Variants in PSME3IP1 observed in about 807,000 individuals in gnomAD.
PSME3IP1 encodes the protein proteasome activator subunit 3 interacting protein 1.
PSME3IP1 carries 13 observed loss-of-function variants against 34.1 expected under a neutral mutation model. That is an observed-to-expected ratio of 0.38 (90% CI 0.25 to 0.61). PSME3IP1 has a LOEUF of 0.61. Ranked by LOEUF, PSME3IP1 falls within the 20% of genes least tolerant of loss-of-function variation. PSME3IP1 has a pLI of 0.60. For missense variants in PSME3IP1, 237 were observed against 301.4 expected, an observed-to-expected ratio of 0.79 and a Z score of 1.58; for synonymous variants, 93 against 114.3, an observed-to-expected ratio of 0.81 and a Z score of 1.19.
intron 4 of PSME3IP1, among the ~76,000 whole-genome samples, chr16:57,171,549 T>TCTA (rs764914284): frequency 6.6e-6 from 1 of 152,064 alleles, no homozygotes; most frequent in Non-Finnish European, 1.5e-5. Context: ...GAGAAGAAAG[T>TCTA]CTACTACTAC....
intron 6 of PSME3IP1, among the ~76,000 whole-genome samples, chr16:57,162,264 T>C (rs1296755773): frequency 6.6e-6 from 1 of 152,232 alleles, no homozygotes; most frequent in East Asian, 1.9e-4. Context: ...AGAACTTGTA[T>C]TTGCTAGAGA....
chr16:57,177,108 G>A (rs2073247098), intron 1 of PSME3IP1, among the ~76,000 whole-genome samples: 1 of 151,940 alleles, frequency 6.6e-6, no homozygotes, highest in Admixed American at 6.6e-5. Flanking sequence ...ACCGGCCTTG[G>A]CCTCCCAAAG....
intron 1 of PSME3IP1, chr16:57,174,514 G>A: frequency 1.0e-6 from 1 of 985,336 alleles, no homozygotes; most frequent in Non-Finnish European, 1.2e-6. Context: ...GGCCTCCTGA[G>A]CATCCCATCC....
chr16:57,156,455 A>T (rs1021174054), intron 6 of PSME3IP1, among the ~76,000 whole-genome samples: 1 of 152,262 alleles, frequency 6.6e-6, no homozygotes, highest in Admixed American at 6.5e-5. Flanking sequence ...AGCAGTTAGA[A>T]GAGATATCAA....
At chr16:57,161,321 C>T (rs2071200434) in intron 6 of PSME3IP1, among the ~76,000 whole-genome samples, 1 of 152,102 alleles carries the variant, frequency 6.6e-6, no homozygotes, top group African/African-American at 2.4e-5. Flanking sequence ...ACATATATAG[C>T]TCAGTGGAAG....
rs184709018 is a variant in PSME3IP1, at chr16:57,180,409, G to T, written c.-16+5412C>A. Among the ~76,000 whole-genome samples the T allele has an allele frequency of 4.6e-5, 7 of 151,728 alleles. No homozygotes were observed. In the East Asian group the frequency reaches 1.4e-3, roughly 29 times the overall value. ...GTTCAAGACCAGCCTGGCCAACAGG[G>T]TGAAACCCCATTTCTACTAAAAATA... is the stretch of plus-strand genomic sequence containing the variant. On this transcript the variant is annotated intron_variant, in intron 1 of 6. Transcript: ENST00000309137.
chr16:57,173,880 A>G lies in PSME3IP1; in HGVS notation c.-15-11T>C. 6.2e-7 allele frequency: 1 copy of G among 1,600,012 alleles called. No homozygotes were observed. Among genetic ancestry groups the G allele is most frequent in the Non-Finnish European group, 8.5e-7 (1 of 1,174,088 alleles). On this transcript the variant is annotated splice_polypyrimidine_tract_variant and intron_variant, in intron 1 of 6. Coordinates refer to ENST00000309137, the MANE Select transcript of PSME3IP1 (RefSeq NM_024946.4). ...AATGAAACAACCAATCTACAAAACA[A>G]AAACAAAAACAAAAAAAATCATTTC...
At chr16:57,178,872 A>T (rs1410403205) in intron 1 of PSME3IP1, 8 of 898,630 alleles carry the variant, frequency 8.9e-6, no homozygotes, top group Non-Finnish European at 1.1e-5. Flanking sequence ...AGAGGTGATA[A>T]GTACCTGTAA....
chr16:57,168,803 CAAAAAAA>C (rs1189721344), intron 4 of PSME3IP1, among the ~76,000 whole-genome samples: 3 of 23,900 alleles, frequency 1.3e-4, no homozygotes, highest in Admixed American at 5.8e-4. Flanking sequence ...AACTCTGTCT[CAAAAAAA>C]AAAAAAAAAA....
intron 6 of PSME3IP1, among the ~76,000 whole-genome samples, chr16:57,158,835 T>G (rs1468972176): frequency 1.3e-5 from 2 of 152,228 alleles, no homozygotes; most frequent in Non-Finnish European, 2.9e-5. Context: ...ACATGGTATA[T>G]AGCCTATTGC....
At chr16:57,161,128 G>A (rs769374928) in intron 6 of PSME3IP1, among the ~76,000 whole-genome samples, 1 of 152,302 alleles carries the variant, frequency 6.6e-6, no homozygotes, top group African/African-American at 2.4e-5. Flanking sequence ...TATCAAAATC[G>A]TAACTGCCTT....
At chr16:57,176,439 C>T (rs538706322) in intron 1 of PSME3IP1, among the ~76,000 whole-genome samples, 1 of 152,184 alleles carries the variant, frequency 6.6e-6, no homozygotes. Context: ...GGTCATCCAA[C>T]TCATATATTA....
intron 6 of PSME3IP1, 74 bp downstream of exon 6, chr16:57,163,927 G>A: frequency 7.4e-7 from 1 of 1,359,260 alleles, no homozygotes; most frequent in African/African-American, 1.4e-5. Context: ...ATTTGCAGAA[G>A]CAATGCATTA....
chr16:57,175,338 CTG>C (rs1202152627), intron 1 of PSME3IP1, among the ~76,000 whole-genome samples: 1 of 152,070 alleles, frequency 6.6e-6, no homozygotes, highest in Non-Finnish European at 1.5e-5. Flanking sequence ...AACTAAACCT[CTG>C]TTTTTCTTTA....
At position 57,185,807 on chromosome 16, in the gene PSME3IP1, G is replaced by T. The variant is rs2074130514; in HGVS notation, c.-16+14C>A. ...CAGGTGTCGCCGCCAGGCCAGGACC[G>T]AGGCCGCACTCACCTACCGGCGCGC... On this transcript the variant is annotated intron_variant, in intron 1 of 6. Coordinates refer to ENST00000309137, the MANE Select transcript of PSME3IP1 (RefSeq NM_024946.4). The T allele has an allele frequency of 1.0e-6, 1 of 985,302 alleles. No homozygotes were observed. 61.0% of individuals were successfully genotyped at this position (985,302 alleles called of 1,614,324 possible). A position where few individuals can be genotyped will look rare whatever the true frequency, so the allele number is the denominator to read the frequency against.
chr16:57,166,877 G>C (rs2071938114), intron 5 of PSME3IP1, among the ~76,000 whole-genome samples: 1 of 152,230 alleles, frequency 6.6e-6, no homozygotes, highest in Non-Finnish European at 1.5e-5. Flanking sequence ...CCACTGAAGA[G>C]TAGCTATTAT....
chr16:57,161,763 C>T (rs1597611701), intron 6 of PSME3IP1, among the ~76,000 whole-genome samples: 1 of 152,088 alleles, frequency 6.6e-6, no homozygotes, highest in African/African-American at 2.4e-5. Context: ...TCACCCGCCT[C>T]GGCTCCCAAA....
intron 1 of PSME3IP1, among the ~76,000 whole-genome samples, chr16:57,183,038 G>A (rs1314635511): frequency 6.6e-6 from 1 of 152,176 alleles, no homozygotes; most frequent in African/African-American, 2.4e-5. Flanking sequence ...TTGGCACACA[G>A]CAATTTAAGG....
At chr16:57,180,566 TG>T (rs143510528) in intron 1 of PSME3IP1, among the ~76,000 whole-genome samples, 1,634 of 150,436 alleles carry the variant, frequency 0.011, 32 homozygotes, top group African/African-American at 0.038. Context: ...CACTCCAGCC[TG>T]GGCAATAGAG....
Sources: gnomAD v4.1 joint callset for allele counts (sites outside exome capture counted in the v4.1 genomes callset) on GRCh38, gnomAD v4.1.1 for gene constraint, MANE v1.5 for transcripts, NCBI Gene and HGNC (gene_info 2026-07-23, HGNC 2026-07-21) for gene names.